Variants in PARD3B observed in about 807,000 individuals in gnomAD.
The protein encoded by PARD3B is partitioning defective 3 homolog B.
In PARD3B, 103 loss-of-function variants were observed where a neutral mutation model predicts 130.2. The observed-to-expected ratio is 0.79, with a 90% CI of 0.67 to 0.93. PARD3B has a LOEUF of 0.93. Among genes scored for constraint, PARD3B ranks in the 40% least tolerant of loss-of-function variants. The pLI is 0.00. For synonymous variants in PARD3B, 583 were observed against 553.2 expected (o/e 1.05, Z -0.76); for missense variants, 1,609 against 1,499.2 (o/e 1.07, Z -1.21).
chr2:204,731,137 G>GT (rs1316694500), intron 2 of PARD3B, among the ~76,000 whole-genome samples: 1 of 152,116 alleles, frequency 6.6e-6, no homozygotes, highest in African/African-American at 2.4e-5. Context: ...TCCTAGTTTT[G>GT]TTTTTGCCAT....
intron 2 of PARD3B, among the ~76,000 whole-genome samples, chr2:204,834,161 T>A (rs2043942698): frequency 1.3e-5 from 2 of 152,224 alleles, no homozygotes; most frequent in Admixed American, 1.3e-4. Flanking sequence ...TTTATAACAT[T>A]GTTTTCCTTT....
chr2:205,238,892 A>ATG (rs1559575176), intron 15 of PARD3B, among the ~76,000 whole-genome samples: 19 of 114,174 alleles, frequency 1.7e-4, no homozygotes, highest in East Asian at 4.3e-4. Flanking sequence ...GTGTGTATAT[A>ATG]TATATATATA....
chr2:204,841,135 T>C (rs1559189147), intron 2 of PARD3B, among the ~76,000 whole-genome samples: 1 of 152,272 alleles, frequency 6.6e-6, no homozygotes, highest in East Asian at 1.9e-4. Context: ...TTTCTTATGT[T>C]AAATATTTAG....
intron 1 of PARD3B, among the ~76,000 whole-genome samples, chr2:204,648,519 C>A (rs1467824754): frequency 5.0e-5 from 7 of 138,842 alleles, no homozygotes; most frequent in African/African-American, 1.6e-4. Context: ...GAGTTGTGGG[C>A]AAGCATATAT....
intron 3 of PARD3B, among the ~76,000 whole-genome samples, chr2:204,974,321 A>G (rs889241604): frequency 6.6e-6 from 1 of 152,166 alleles, no homozygotes; most frequent in Non-Finnish European, 1.5e-5. Flanking sequence ...TTTGTAGAAT[A>G]CGGTGTGATC....
intron 2 of PARD3B, among the ~76,000 whole-genome samples, chr2:204,935,509 A>G (rs1245649704): frequency 6.6e-6 from 1 of 151,856 alleles, no homozygotes; most frequent in South Asian, 2.1e-4. Flanking sequence ...ACTGTACTCC[A>G]GCCTGAGTGA....
chr2:205,125,795 G>A lies in PARD3B; in HGVS notation c.1434+58G>A. The A allele has an allele frequency of 1.9e-6, 3 of 1,592,600 alleles. No homozygotes were observed. The African/African-American group carries it at 4.0e-5, about 21-fold the overall frequency. ...TAATGCCGAGCTTAATACACTCAAT[G>A]AACTCATTATAGCTGAGAAACGAGT... On this transcript the variant is annotated intron_variant, in intron 10 of 22. Transcript: ENST00000406610. This position sits in a 1 kb window ranked among gnomAD's most constrained non-coding sequence, Gnocchi z 4.0.
chr2:204,652,756 A>G lies in PARD3B; in HGVS notation c.121-33425A>G, dbSNP rs376939234. Among the ~76,000 whole-genome samples the G allele has an allele frequency of 8.6e-5, 13 of 151,790 alleles. 3 individuals are homozygous for G. The highest frequency in any genetic ancestry group is 3.2e-4 in the African/African-American group (13 of 41,080). On this transcript the variant is annotated intron_variant, in intron 1 of 22. Transcript: ENST00000406610. ...TTTATGAGCAAAAGAGGTTTAATTG[A>G]CTCACAGTTCTGCAGGCTTAACAAG...
At chr2:205,513,792 G>GAAAC (rs1417020407) in intron 21 of PARD3B, among the ~76,000 whole-genome samples, 1 of 152,046 alleles carries the variant, frequency 6.6e-6, no homozygotes, top group Non-Finnish European at 1.5e-5. Context: ...AGGCAGACAG[G>GAAAC]AAACATAATT....
intron 2 of PARD3B, among the ~76,000 whole-genome samples, chr2:204,941,743 C>T (rs1688920548): frequency 6.6e-6 from 1 of 152,090 alleles, no homozygotes; most frequent in South Asian, 2.1e-4. Flanking sequence ...TGAGCAAAGA[C>T]AGTGCAGAGT....
intron 13 of PARD3B, among the ~76,000 whole-genome samples, chr2:205,180,985 G>A (rs1032837785): frequency 5.3e-5 from 8 of 152,264 alleles, no homozygotes; most frequent in African/African-American, 1.7e-4. Context: ...CCGAGGAATA[G>A]CCTCATGCAG....
At chr2:204,631,037 G>A (rs1343768676) in intron 1 of PARD3B, among the ~76,000 whole-genome samples, 1 of 152,052 alleles carries the variant, frequency 6.6e-6, no homozygotes, top group Non-Finnish European at 1.5e-5. Flanking sequence ...TTTTAGTTGT[G>A]ATGTTAGCTT....
chr2:205,025,541 A>G (rs375684911), intron 3 of PARD3B, among the ~76,000 whole-genome samples: 25 of 152,216 alleles, frequency 1.6e-4, no homozygotes, highest in African/African-American at 6.0e-4. Context: ...GGGATTGTTG[A>G]CAGAATTTGT....
intron 2 of PARD3B, among the ~76,000 whole-genome samples, chr2:204,767,127 C>A (rs1485596616): frequency 1.1e-5 from 1 of 93,188 alleles, no homozygotes; most frequent in Non-Finnish European, 2.2e-5. Flanking sequence ...TTAGGTATAT[C>A]TCCCAATGCT....
rs1441822497 is a variant in PARD3B, at chr2:205,592,939, T to C, written c.3261-22517T>C. Among the ~76,000 whole-genome samples, 3 of 152,402 alleles carry C rather than the reference T, an allele frequency of 2.0e-5. No homozygotes were observed. Among genetic ancestry groups the C allele is most frequent in the South Asian group, 4.1e-4 (2 of 4,834 alleles). On this transcript the variant is annotated intron_variant, in intron 22 of 22. Transcript: ENST00000406610. The surrounding 1 kb of genome is among the most constrained non-coding windows in gnomAD (Gnocchi z 4.5). ...AGCCTTGAGCAGAAGCACTGTGTTT[T>C]GTCTTTCATCTCATTGCCCAGCTAG... is the stretch of plus-strand genomic sequence containing the variant.
At chr2:204,791,886 C>G (rs1220055578) in intron 2 of PARD3B, among the ~76,000 whole-genome samples, 1 of 152,126 alleles carries the variant, frequency 6.6e-6, no homozygotes, top group African/African-American at 2.4e-5. Flanking sequence ...ATTTATTAAT[C>G]CACATCGCTT....
Position 205,618,285 on chromosome 2 carries a change from A to G in PARD3B, c.*2472A>G, listed in dbSNP as rs1309684467. 1 of 152,266 alleles carries G rather than the reference A, an allele frequency of 6.6e-6. No individual in the cohort carries two copies. Among genetic ancestry groups the G allele is most frequent in the East Asian group, 1.9e-4 (1 of 5,198 alleles). The allele number at this position is 152,266 out of a possible 1,614,324, so 9.4% of individuals were successfully genotyped here. A position where few individuals can be genotyped will look rare whatever the true frequency, so the allele number is the denominator to read the frequency against. ...CTAACATTATATTTGTGACAGACAGAGGCTCCATCAAGCCAAGCAACAATT... is the reference window on the plus strand; with the variant it reads ...CTAACATTATATTTGTGACAGACAGGGGCTCCATCAAGCCAAGCAACAATT... On this transcript the variant is annotated 3_prime_UTR_variant, in exon 23 of 23. Coordinates refer to ENST00000406610, the MANE Select transcript of PARD3B (RefSeq NM_001302769.2).
chr2:204,714,060 T>G (rs2125305646), intron 2 of PARD3B, among the ~76,000 whole-genome samples: 1 of 152,342 alleles, frequency 6.6e-6, no homozygotes, highest in Admixed American at 6.5e-5. Context: ...CCCTTCTGTA[T>G]ATCTGTTAAA....
At chr2:205,607,414 T>C (rs754067195) in intron 22 of PARD3B, among the ~76,000 whole-genome samples, 9 of 152,186 alleles carry the variant, frequency 5.9e-5, no homozygotes, top group Non-Finnish European at 1.3e-4. Context: ...ATGCAGCCTC[T>C]GGGTCTGTCT....
Sources: allele counts gnomAD v4.1 joint callset (sites outside exome capture counted in the v4.1 genomes callset), GRCh38; gene constraint gnomAD v4.1.1; non-coding constraint Gnocchi (gnomAD v3.1); transcripts MANE v1.5; gene names NCBI Gene and HGNC (gene_info 2026-07-23, HGNC 2026-07-21).